Variants in USF3 observed in about 807,000 individuals in gnomAD.
USF3 encodes upstream transcription factor family member 3, also known as basic helix-loop-helix domain-containing protein USF3.
USF3 carries 29 observed loss-of-function variants against 157.5 expected under a neutral mutation model. The observed-to-expected ratio is 0.18, with a 90% CI of 0.14 to 0.25. The LOEUF is 0.25. Among genes scored for constraint, USF3 ranks in the 10% least tolerant of loss-of-function variants. The probability of loss-of-function intolerance (pLI) is 1.00; values close to 1 mark genes in which losing one functional copy is unlikely to be tolerated. For missense variants in USF3, 2,381 were observed against 2,667.6 expected (o/e 0.89, Z 2.37); for synonymous variants, 893 against 941.4 (o/e 0.95, Z 0.94).
At chr3:113,688,609 A>G (rs989547437) in intron 1 of USF3, among the ~76,000 whole-genome samples, 3 of 152,230 alleles carry the variant, frequency 2.0e-5, no homozygotes, top group Non-Finnish European at 2.9e-5. Flanking sequence ...AATGTATTCT[A>G]AGTGCCTAGA....
At chr3:113,687,229 TCACACACACACACACA>T (rs67480409) in intron 1 of USF3, among the ~76,000 whole-genome samples, 2 of 102,534 alleles carry the variant, frequency 2.0e-5, no homozygotes, top group East Asian at 2.4e-4. Flanking sequence ...ACACACACAG[TCACACACACACACACA>T]CACACACACA....
chr3:113,666,734 T>A (rs1947576091), intron 5 of USF3, among the ~76,000 whole-genome samples: 1 of 151,470 alleles, frequency 6.6e-6, no homozygotes, highest in Admixed American at 6.6e-5. Flanking sequence ...CCGGGCTAAT[T>A]TGTTGTTGTT....
In USF3 at chr3:113,655,727, G is replaced by A; in HGVS notation, c.5955C>T (p.Ser1985=). Residue 1985 remains serine (S), a synonymous_variant, in exon 7 of 7, where the codon AGC becomes AGT. Transcript: ENST00000316407. The part of the protein sequence containing the change: ...PQRSRHPLQD[S]SGSKIRQPER... ...CAGGCTGACGAATTTTGGAACCACT[G>A]CTGTCTTGCAGGGGATGCCTTGATC... 6.2e-7 allele frequency: 1 copy of A among 1,613,812 alleles called. No homozygotes were observed. The highest frequency in any genetic ancestry group is 1.3e-5 in the African/African-American group (1 of 75,044).
chr3:113,690,388 T>C (rs940161517), intron 1 of USF3, among the ~76,000 whole-genome samples: 6 of 152,186 alleles, frequency 3.9e-5, no homozygotes, highest in African/African-American at 1.4e-4. Context: ...GTTCACCATA[T>C]TTACCATGTC....
At position 113,657,267 on chromosome 3, in the gene USF3, TGCTGCTGC is replaced by T. The variant is rs745985164; in HGVS notation, c.4407_4414del (p.Gln1470AlafsTer36). ...CCCTGCTTGTTGTTGTTGCTGTTGC[TGCTGCTGC>T]TGCTGCTGCTGCTGCTGCTGCTGCT... On this transcript the variant is annotated frameshift_variant, in exon 7 of 7. Coordinates refer to ENST00000316407, the MANE Select transcript of USF3 (RefSeq NM_001009899.4). LOFTEE classifies it high-confidence loss of function. The T allele has an allele frequency of 1.2e-4, 40 of 345,970 alleles. No homozygotes were observed. Among genetic ancestry groups the T allele is most frequent in the Non-Finnish European group, 1.5e-4 (40 of 265,542 alleles). 21.4% of individuals were successfully genotyped at this position (345,970 alleles called of 1,614,324 possible). A position where few individuals can be genotyped will look rare whatever the true frequency, so the allele number is the denominator to read the frequency against.
chr3:113,659,728 A>C lies in USF3; in HGVS notation c.1954T>G (p.Phe652Val). The C allele has an allele frequency of 6.2e-7, 1 of 1,614,238 alleles. No homozygotes were observed. Among genetic ancestry groups the C allele is most frequent in the Non-Finnish European group, 8.5e-7 (1 of 1,180,026 alleles). ...SLSASNSTQT[F>V]SVTMSNQQPQ... ...TGTTGGTTTGACATGGTAACAGAAA[A>C]AGTTTGTGTTGAGTTAGACGCTGAT... The change falls in exon 7 of 7, where the codon TTT (phenylalanine) becomes GTT (valine). Residue 652 changes from phenylalanine (F) to valine (V), a missense_variant. Phe to Val is a conservative substitution (Grantham distance 50). Coordinates refer to ENST00000316407, the MANE Select transcript of USF3 (RefSeq NM_001009899.4).
In USF3 at chr3:113,657,689, A is replaced by G; in HGVS notation, c.3993T>C (p.Ala1331=). 1 of 1,614,228 alleles carries G rather than the reference A, an allele frequency of 6.2e-7. No individual in the cohort carries two copies. The highest frequency in any genetic ancestry group is 8.5e-7 in the Non-Finnish European group (1 of 1,180,040). The part of the protein sequence containing the change: ...HESRKDSAKR[A]VQDDLLLSSA... The stretch of plus-strand genomic sequence containing the variant: ...AAGACAGTAAAAGGTCATCTTGGAC[A>G]GCACGCTTAGCAGAATCCTTACGGC... Residue 1331 remains alanine, a synonymous_variant, in exon 7 of 7, where the codon GCT becomes GCC. Coordinates refer to ENST00000316407, the MANE Select transcript of USF3 (RefSeq NM_001009899.4).
chr3:113,655,505 T>TA lies in USF3; in HGVS notation c.6176dup (p.Ser2060IlefsTer11). On this transcript the variant is annotated frameshift_variant, in exon 7 of 7. Coordinates refer to ENST00000316407, the MANE Select transcript of USF3 (RefSeq NM_001009899.4). LOFTEE classifies it high-confidence loss of function. ...TAAAAGAAAAACCAAAATTTTGTGATAGTGTATGCTGGTCAGGACCTGAAT... is the reference window on the plus strand; with the variant it reads ...TAAAAGAAAAACCAAAATTTTGTGATAAGTGTATGCTGGTCAGGACCTGAAT... The TA allele has an allele frequency of 6.2e-7, 1 of 1,614,138 alleles. No individual in the cohort carries two copies. The highest frequency in any genetic ancestry group is 8.5e-7 in the Non-Finnish European group (1 of 1,179,990).
intron 1 of USF3, among the ~76,000 whole-genome samples, chr3:113,685,594 T>C (rs1281207540): frequency 6.6e-6 from 1 of 152,018 alleles, no homozygotes; most frequent in Non-Finnish European, 1.5e-5. Flanking sequence ...CCTCTCCTTT[T>C]CTCAAGCAGG....
At chr3:113,668,601 C>T (rs1389574050) in intron 5 of USF3, among the ~76,000 whole-genome samples, 2 of 151,494 alleles carry the variant, frequency 1.3e-5, no homozygotes, top group Non-Finnish European at 2.9e-5. Context: ...GCCTCATTCC[C>T]AAGTATGAAA....
chr3:113,658,587 G>C lies in USF3; in HGVS notation c.3095C>G (p.Ser1032Cys). 6.2e-7 allele frequency: 1 copy of C among 1,613,530 alleles called. No individual in the cohort carries two copies. Reference sequence around the variant, plus strand: ...ATCAACTATTTTAGGATTTTCTGAAGAAAAGTCAGGATGATCCATCTGATC... The same window carrying C: ...ATCAACTATTTTAGGATTTTCTGAACAAAAGTCAGGATGATCCATCTGATC... ...LSDQMDHPDF[S>C]SENPKIVDSS... Residue 1032 changes from serine to cysteine, a missense_variant, in exon 7 of 7, where the codon TCT (serine) becomes TGT (cysteine). Transcript: ENST00000316407.
At chr3:113,695,955 G>A (rs1029549618) in intron 1 of USF3, among the ~76,000 whole-genome samples, 1 of 152,252 alleles carries the variant, frequency 6.6e-6, no homozygotes, top group Non-Finnish European at 1.5e-5. Context: ...GAAATTCAGA[G>A]GGCAAGGAAA....
In USF3 at chr3:113,655,109, T is replaced by C; in HGVS notation, c.6573A>G (p.Thr2191=). 5 of 1,614,168 alleles carry C rather than the reference T, an allele frequency of 3.1e-6. No homozygotes were observed. The highest frequency in any genetic ancestry group is 4.2e-6 in the Non-Finnish European group (5 of 1,180,014). ...CTGTGGCTATTTCTGGAAACAAAGATGTCATATTAAAATTGGATAAGTGAG... is the reference window on the plus strand; with the variant it reads ...CTGTGGCTATTTCTGGAAACAAAGACGTCATATTAAAATTGGATAAGTGAG... ...TNSHLSNFNM[T]SLFPEIATAL... The change falls in exon 7 of 7, where the codon ACA becomes ACG. Residue 2191 remains threonine, a synonymous_variant. Transcript: ENST00000316407.
chr3:113,677,997 C>T (rs935066840), intron 1 of USF3, among the ~76,000 whole-genome samples: 38 of 150,756 alleles, frequency 2.5e-4, no homozygotes, highest in African/African-American at 9.3e-4. Context: ...CCTCCCCTCC[C>T]CTCCCCTCCC....
chr3:113,670,306 T>A (rs1707120941), intron 4 of USF3, 103 bp from the exon 5 acceptor site: 2 of 727,048 alleles, frequency 2.8e-6, no homozygotes, highest in Admixed American at 4.0e-5. Flanking sequence ...CCCTAAGAAA[T>A]GCTTATCAAT....
chr3:113,687,229 TCACACA>T (rs67480409), intron 1 of USF3, among the ~76,000 whole-genome samples: 6,474 of 102,472 alleles, frequency 0.063, 207 homozygotes, highest in East Asian at 0.14. Flanking sequence ...ACACACACAG[TCACACA>T]CACACACACA....
At position 113,652,668 on chromosome 3, in the gene USF3, G is replaced by C. The variant is rs1947284882; in HGVS notation, c.*2276C>G. ...AAGCTTTTTAGGATTAAAAAAAAAG[G>C]GGGGGGCCTGGGAGGGGTGACTCAT... On this transcript the variant is annotated 3_prime_UTR_variant, in exon 7 of 7. Transcript: ENST00000316407. The C allele has an allele frequency of 6.5e-6, 1 of 152,704 alleles. No individual in the cohort carries two copies. Among genetic ancestry groups the C allele is most frequent in the Admixed American group, 6.6e-5 (1 of 15,234 alleles). The allele number at this position is 152,704 out of a possible 1,614,324, so 9.5% of individuals were successfully genotyped here.
chr3:113,652,108 A>AGAGAGAGTGTGTGTGTGTGTGT lies in USF3; in HGVS notation c.*2835_*2836insACACACACACACACACTCTCTC, dbSNP rs1266464109. On this transcript the variant is annotated 3_prime_UTR_variant, in exon 7 of 7. Coordinates refer to ENST00000316407, the MANE Select transcript of USF3 (RefSeq NM_001009899.4). The stretch of plus-strand genomic sequence containing the variant: ...TGGAGAGAGAGAGAGAGAGAGAGAG[A>AGAGAGAGTGTGTGTGTGTGTGT]GTGTGTGTGTGTGTGTGTGTGTGTG... 3.5e-5 allele frequency: 5 copies of AGAGAGAGTGTGTGTGTGTGTGT among 141,974 alleles called. No homozygotes were observed. Among genetic ancestry groups the AGAGAGAGTGTGTGTGTGTGTGT allele is most frequent in the African/African-American group, 1.3e-4 (5 of 38,272 alleles). 8.8% of individuals were successfully genotyped at this position (141,974 alleles called of 1,614,324 possible). A position where few individuals can be genotyped will look rare whatever the true frequency, so the allele number is the denominator to read the frequency against.
chr3:113,659,383 C>G lies in USF3; in HGVS notation c.2299G>C (p.Ala767Pro), dbSNP rs778881780. Residue 767 changes from alanine (A) to proline (P), a missense_variant, in exon 7 of 7, where the codon GCC (alanine) becomes CCC (proline). Around this residue, in one of 6 missense-constraint regions of USF3, gnomAD observed 1,435 missense variants for 1,550.9 expected, o/e 0.93. Transcript: ENST00000316407. The stretch of plus-strand genomic sequence containing the variant: ...AGATTATAAGTACTAGCTAGTGTGG[C>G]TGAACTATCTGTTGTCACAGGAGGT... ...AAPPVTTDSS[A>P]TLASTYNLVS... is the part of the protein sequence containing the mutation. The G allele has an allele frequency of 6.2e-7, 1 of 1,614,230 alleles. No homozygotes were observed. The highest frequency in any genetic ancestry group is 1.7e-5 in the Admixed American group (1 of 60,028).
Sources: allele counts gnomAD v4.1 joint callset (sites outside exome capture counted in the v4.1 genomes callset), GRCh38; gene constraint gnomAD v4.1.1; regional missense constraint gnomAD v4.1.1; transcripts MANE v1.5; gene names NCBI Gene and HGNC (gene_info 2026-07-23, HGNC 2026-07-21).